Variants in MACO1 observed in about 807,000 individuals in gnomAD.
MACO1 encodes the protein macoilin.
MACO1 carries 14 observed loss-of-function variants against 78.7 expected under a neutral mutation model. That is an observed-to-expected ratio of 0.18 (90% CI 0.12 to 0.28). MACO1 has a LOEUF of 0.28. MACO1 is among the 10% of genes least tolerant of loss of function. The pLI is 1.00. For missense variants in MACO1, 501 were observed against 799.0 expected (o/e 0.63, Z 4.50); for synonymous variants, 288 against 291.6 (o/e 0.99, Z 0.12).
chr1:25,484,077 CT>C, intron 6 of MACO1, 38 bp from the exon 7 acceptor site: 1 of 1,576,326 alleles, frequency 6.3e-7, no homozygotes, highest in Non-Finnish European at 8.6e-7. Context: ...TGTGGGTGCC[CT>C]CACCTAGATG....
At chr1:25,490,018 T>TGCCAC (rs1373622663) in intron 9 of MACO1, among the ~76,000 whole-genome samples, 2 of 152,090 alleles carry the variant, frequency 1.3e-5, no homozygotes, top group Admixed American at 1.3e-4. Context: ...TCATGCCACA[T>TGCCAC]ATAAAGAAAT....
chr1:25,475,199 G>A (rs2043310476), intron 6 of MACO1, among the ~76,000 whole-genome samples: 2 of 152,072 alleles, frequency 1.3e-5, no homozygotes, highest in African/African-American at 4.8e-5. Flanking sequence ...AAAAAAATTA[G>A]CCGGGCAAGG....
intron 1 of MACO1, among the ~76,000 whole-genome samples, chr1:25,434,197 A>G (rs1000908190): frequency 1.3e-5 from 2 of 152,252 alleles, no homozygotes; most frequent in African/African-American, 2.4e-5. Flanking sequence ...AACATGCTAT[A>G]GAAATATTTT....
At chr1:25,446,653 A>C (rs1464462333) in intron 1 of MACO1, 109 bp from the exon 2 acceptor site, 2 of 1,076,088 alleles carry the variant, frequency 1.9e-6, no homozygotes, top group Non-Finnish European at 2.6e-6. Flanking sequence ...CATTGTTTTC[A>C]TGATATATGG....
chr1:25,450,542 T>C (rs2043056494), intron 3 of MACO1, among the ~76,000 whole-genome samples: 1 of 152,190 alleles, frequency 6.6e-6, no homozygotes, highest in Admixed American at 6.5e-5. Context: ...CACCAAATAA[T>C]AATAAAAGCT....
chr1:25,472,385 C>T (rs868324380), intron 6 of MACO1, among the ~76,000 whole-genome samples: 143 of 149,402 alleles, frequency 9.6e-4, no homozygotes, highest in African/African-American at 3.2e-3. Flanking sequence ...CCTCAACAGG[C>T]CCCGGTGTGT....
At chr1:25,480,040 GTTTA>G (rs1309311502) in intron 6 of MACO1, among the ~76,000 whole-genome samples, 1 of 152,134 alleles carries the variant, frequency 6.6e-6, no homozygotes, top group Non-Finnish European at 1.5e-5. Context: ...CTTTTCCATT[GTTTA>G]TTCAGTTTTT....
At chr1:25,449,743 G>A (rs1216288944) in intron 3 of MACO1, among the ~76,000 whole-genome samples, 2 of 152,210 alleles carry the variant, frequency 1.3e-5, no homozygotes, top group African/African-American at 2.4e-5. Flanking sequence ...AGGGGGCCAG[G>A]CGCAGTGGCT....
intron 10 of MACO1, among the ~76,000 whole-genome samples, chr1:25,492,169 A>T (rs973893215): frequency 6.6e-6 from 1 of 152,270 alleles, no homozygotes; most frequent in South Asian, 2.1e-4. Context: ...GCTGCAGGTG[A>T]GAGTCTGGAG....
At chr1:25,450,712 A>G (rs1458968861) in intron 3 of MACO1, among the ~76,000 whole-genome samples, 1 of 152,176 alleles carries the variant, frequency 6.6e-6, no homozygotes, top group Non-Finnish European at 1.5e-5. Flanking sequence ...ATAAGCTACT[A>G]TGAAGGTTCT....
Position 25,454,338 on chromosome 1 carries a change from C to A in MACO1, c.429C>A (p.Leu143=). The A allele has an allele frequency of 6.2e-7, 1 of 1,611,442 alleles. No individual in the cohort carries two copies. Among genetic ancestry groups the A allele is most frequent in the Non-Finnish European group, 8.5e-7 (1 of 1,179,152 alleles). ...AAGCAGCCATTAGATTTAAAGATCT[C>A]AAAAACTTTCATGTAGACCTTTGTC... ...YIEAAIRFKD[L]KNFHVDLCRP... The change falls in exon 4 of 11, where the codon CTC becomes CTA. Residue 143 remains leucine (L), a synonymous_variant. Coordinates refer to ENST00000374343, the MANE Select transcript of MACO1 (RefSeq NM_018202.6).
chr1:25,465,285 G>A (rs933046513), intron 6 of MACO1, among the ~76,000 whole-genome samples: 1 of 152,172 alleles, frequency 6.6e-6, no homozygotes, highest in African/African-American at 2.4e-5. Flanking sequence ...CGGTTTTGGG[G>A]TGGACATAAG....
intron 6 of MACO1, among the ~76,000 whole-genome samples, chr1:25,475,170 C>A (rs2043310176): frequency 6.6e-6 from 1 of 151,596 alleles, no homozygotes; most frequent in Non-Finnish European, 1.5e-5. Flanking sequence ...CGGTGAAACC[C>A]CATCTCTACT....
At chr1:25,465,079 C>G (rs903544156) in intron 6 of MACO1, among the ~76,000 whole-genome samples, 13 of 151,854 alleles carry the variant, frequency 8.6e-5, no homozygotes, top group Non-Finnish European at 1.9e-4. Flanking sequence ...TCCCAAAGTG[C>G]TGGGATTACA....
At chr1:25,494,078 C>T (rs985227070) in intron 10 of MACO1, among the ~76,000 whole-genome samples, 1 of 152,176 alleles carries the variant, frequency 6.6e-6, no homozygotes, top group East Asian at 1.9e-4. Flanking sequence ...TGTGATTTCA[C>T]ACTCCACCTA....
rs369166925 is a variant in MACO1 at position 25,455,461 on chromosome 1, G to C, written c.473+1079G>C. ...GTATTTTTAGTCTTTTTACAAACAA[G>C]TAAATTAAATGAACTTGGTCAGTAA... On this transcript the variant is annotated intron_variant, in intron 4 of 10. Transcript: ENST00000374343. Among the ~76,000 whole-genome samples the C allele has an allele frequency of 1.6e-3, 241 of 152,166 alleles. 6 individuals are homozygous for C. The South Asian group carries it at 0.047, about 29-fold the overall frequency.
At chr1:25,454,470 G>GTGTATA (rs1553164613) in intron 4 of MACO1, 88 bp downstream of exon 4, 4 of 86,216 alleles carry the variant, frequency 4.6e-5, no homozygotes, top group African/African-American at 1.7e-4. Flanking sequence ...GTGTGTGTGT[G>GTGTATA]TATATATATA....
rs2043195704 is a variant in MACO1 at position 25,464,180 on chromosome 1, C to G, written c.1154+5288C>G. Among the ~76,000 whole-genome samples the G allele has an allele frequency of 2.6e-5, 4 of 152,234 alleles. 1 individual carries two copies. The highest frequency in any genetic ancestry group is 6.8e-3 in the Middle Eastern group (2 of 294). On this transcript the variant is annotated intron_variant, in intron 6 of 10. Transcript: ENST00000374343. ...ATCCATCCCTACCCTCCCCTGACCCCTGAGAAGTGCTGATCTTTTCACTAT... is the reference window on the plus strand; with the variant it reads ...ATCCATCCCTACCCTCCCCTGACCCGTGAGAAGTGCTGATCTTTTCACTAT...
At chr1:25,459,259 C>T (rs534165175) in intron 6 of MACO1, among the ~76,000 whole-genome samples, 3 of 151,652 alleles carry the variant, frequency 2.0e-5, no homozygotes, top group African/African-American at 7.2e-5. Flanking sequence ...ACGCAAATCT[C>T]TGTCAAACAG....
Sources: gnomAD v4.1 joint callset for allele counts (sites outside exome capture counted in the v4.1 genomes callset) on GRCh38, gnomAD v4.1.1 for gene constraint, MANE v1.5 for transcripts, NCBI Gene and HGNC (gene_info 2026-07-23, HGNC 2026-07-21) for gene names.